Variants in SPATS2 observed in about 807,000 individuals in gnomAD.
The protein encoded by SPATS2 is spermatogenesis-associated serine-rich protein 2.
A neutral mutation model predicts 63.7 loss-of-function variants in SPATS2; 38 were observed. That is an observed-to-expected ratio of 0.60 (90% CI 0.46 to 0.78). SPATS2 has a LOEUF of 0.78. Ranked by LOEUF, SPATS2 falls within the 30% of genes least tolerant of loss-of-function variation. SPATS2 has a pLI of 0.00. For synonymous variants in SPATS2, 207 were observed against 232.9 expected, an observed-to-expected ratio of 0.89 and a Z score of 1.01; for missense variants, 588 against 666.2, an observed-to-expected ratio of 0.88 and a Z score of 1.29.
intron 3 of SPATS2, among the ~76,000 whole-genome samples, chr12:49,476,235 C>T (rs931164403): frequency 2.0e-5 from 3 of 152,182 alleles, no homozygotes; most frequent in Non-Finnish European, 2.9e-5. Flanking sequence ...AGGAATGCAA[C>T]GACAGTCACC....
intron 2 of SPATS2, among the ~76,000 whole-genome samples, chr12:49,403,527 C>T (rs996954518): frequency 6.7e-6 from 1 of 149,854 alleles, no homozygotes; most frequent in African/African-American, 2.5e-5. Context: ...ACTCGGGAGG[C>T]TGAGGCATGA....
intron 2 of SPATS2, among the ~76,000 whole-genome samples, chr12:49,447,298 G>A (rs745713794): frequency 3.4e-4 from 51 of 151,440 alleles, no homozygotes; most frequent in Non-Finnish European, 1.0e-4. Flanking sequence ...GAGTGCAGTG[G>A]TGCAATCTCG....
At chr12:49,415,700 C>G (rs1944878016) in intron 2 of SPATS2, among the ~76,000 whole-genome samples, 1 of 152,062 alleles carries the variant, frequency 6.6e-6, no homozygotes, top group Non-Finnish European at 1.5e-5. Flanking sequence ...ACTTTTAAGC[C>G]AGGGGCCTGC....
chr12:49,484,706 C>G (rs1383964419), intron 4 of SPATS2, 37 bp downstream of exon 4: 1 of 1,593,232 alleles, frequency 6.3e-7, no homozygotes, highest in African/African-American at 1.3e-5. Context: ...ACTTAAATGT[C>G]ATAGGAAAAT....
chr12:49,477,487 G>C (rs1217107507), intron 3 of SPATS2, among the ~76,000 whole-genome samples: 1 of 152,198 alleles, frequency 6.6e-6, no homozygotes, highest in Admixed American at 6.5e-5. Context: ...CTGGTAATTG[G>C]ACAAGTGTGG....
At chr12:49,413,299 G>A (rs1217873548) in intron 2 of SPATS2, among the ~76,000 whole-genome samples, 4 of 152,042 alleles carry the variant, frequency 2.6e-5, no homozygotes, top group African/African-American at 4.8e-5. Context: ...CAGCTACGGC[G>A]CCTTGGACAT....
chr12:49,488,446 G>A (rs2137864972), intron 4 of SPATS2, among the ~76,000 whole-genome samples: 1 of 152,040 alleles, frequency 6.6e-6, no homozygotes, highest in South Asian at 2.1e-4. Flanking sequence ...ATCACTTGAG[G>A]CCAAGAGTTC....
chr12:49,442,003 GA>G (rs1565724196), intron 2 of SPATS2, among the ~76,000 whole-genome samples: 1 of 151,946 alleles, frequency 6.6e-6, no homozygotes, highest in African/African-American at 2.4e-5. Context: ...ACAATTCTAC[GA>G]AAAAACAACA....
chr12:49,519,015 G>C, intron 10 of SPATS2, 58 bp from the exon 11 acceptor site: 4 of 1,396,854 alleles, frequency 2.9e-6, no homozygotes, highest in Non-Finnish European at 4.0e-6. Context: ...TATATTTCTA[G>C]TTCTTCTTTA....
rs546029240 is a variant in SPATS2 at position 49,384,318 on chromosome 12, A to G, written c.-244+13028A>G. 1.4e-4 allele frequency among the ~76,000 whole-genome samples: 22 copies of G among 152,294 alleles called. No homozygotes were observed. The South Asian group carries it at 4.6e-3, about 32-fold the overall frequency. ...TATGATTTCTTTTCCTTTTAGGCAG[A>G]TGATGCTTTTTCTTCTCTCTTTTTA... On this transcript the variant is annotated intron_variant, in intron 2 of 13. Transcript: ENST00000552918.
At chr12:49,401,443 C>T (rs1037806252) in intron 2 of SPATS2, among the ~76,000 whole-genome samples, 3 of 152,182 alleles carry the variant, frequency 2.0e-5, no homozygotes, top group African/African-American at 7.2e-5. Context: ...CTCATGTACT[C>T]ATCACCCAGT....
intron 9 of SPATS2, among the ~76,000 whole-genome samples, chr12:49,511,161 A>G (rs1946746951): frequency 6.6e-6 from 1 of 151,652 alleles, no homozygotes; most frequent in Non-Finnish European, 1.5e-5. Context: ...ACATCATGCT[A>G]TTGTACTCCA....
intron 4 of SPATS2, chr12:49,486,264 G>C (rs935999097): frequency 4.4e-6 from 2 of 451,010 alleles, no homozygotes; most frequent in Non-Finnish European, 8.9e-6. Flanking sequence ...GAGTGCAGTG[G>C]CGTGATCTCA....
In SPATS2 at chr12:49,373,220, C is replaced by T. The variant is rs557603436; in HGVS notation, c.-244+1930C>T. The stretch of plus-strand genomic sequence containing the variant: ...AATTCCCAACCTCAGGTGATCCACC[C>T]GCCTCGGCCTCCCAAAGTGCTGGGA... On this transcript the variant is annotated intron_variant, in intron 2 of 13. Transcript: ENST00000552918. 2.6e-5 allele frequency among the ~76,000 whole-genome samples: 4 copies of T among 152,186 alleles called. 1 individual carries two copies. The highest frequency in any genetic ancestry group is 7.2e-5 in the African/African-American group (3 of 41,536).
At chr12:49,489,321 G>A (rs1946346418) in intron 4 of SPATS2, 144 bp from the exon 5 acceptor site, 7 of 501,182 alleles carry the variant, frequency 1.4e-5, no homozygotes, top group South Asian at 1.3e-4. Context: ...CCAGTGAGAT[G>A]CTTGTATGTA....
In SPATS2 at chr12:49,452,579, G is replaced by A. The variant is rs183965642; in HGVS notation, c.-243-8191G>A. Among the ~76,000 whole-genome samples the A allele has an allele frequency of 2.3e-3, 357 of 152,232 alleles. 1 individual carries two copies. The highest frequency in any genetic ancestry group is 4.0e-3 in the Non-Finnish European group (271 of 68,012). On this transcript the variant is annotated intron_variant, in intron 2 of 13. Transcript: ENST00000552918. ...AGGCATGAGCCACTGCACCTGGCTT[G>A]TATTTCTTCATTGTTTTTTCTCCCA...
In SPATS2 at chr12:49,526,062, A is replaced by G. The variant is rs147985644; in HGVS notation, c.1445A>G (p.Tyr482Cys). ...SMGRYRNSSW[Y>C]SSGSRYQSAP... ...GGTCGTTACAGAAACAGCTCGTGGT[A>G]TTCATCTGGTTCCAGGTATCAGAGT... The change falls in exon 14 of 14, where the codon TAT (tyrosine) becomes TGT (cysteine). Residue 482 changes from tyrosine (Y) to cysteine (C), a missense_variant. Physicochemically the swap from Tyr to Cys is radical, Grantham distance 194. Coordinates refer to ENST00000552918, the MANE Select transcript of SPATS2 (RefSeq NM_023071.4). 3.6e-4 allele frequency: 582 copies of G among 1,614,140 alleles called. No homozygotes were observed. Among genetic ancestry groups the G allele is most frequent in the Non-Finnish European group, 4.4e-4 (524 of 1,180,052 alleles).
intron 4 of SPATS2, among the ~76,000 whole-genome samples, chr12:49,484,953 T>C (rs1946264450): frequency 6.6e-6 from 1 of 152,220 alleles, no homozygotes; most frequent in South Asian, 2.1e-4. Context: ...TTTATGTGGC[T>C]GAGTGTATCT....
At chr12:49,517,868 T>G (rs139602193) in intron 10 of SPATS2, among the ~76,000 whole-genome samples, 1 of 152,344 alleles carries the variant, frequency 6.6e-6, no homozygotes, top group East Asian at 1.9e-4. Flanking sequence ...AACATTGGAT[T>G]TCTGATAGCC....
Sources: gnomAD v4.1 joint callset for allele counts (sites outside exome capture counted in the v4.1 genomes callset) on GRCh38, gnomAD v4.1.1 for gene constraint, MANE v1.5 for transcripts, NCBI Gene and HGNC (gene_info 2026-07-23, HGNC 2026-07-21) for gene names.